Variants in ARHGAP15 observed in about 807,000 individuals in gnomAD.
ARHGAP15 encodes the protein rho GTPase-activating protein 15.
Under a neutral mutation model 63.7 loss-of-function variants are expected in ARHGAP15, and 51 were observed. That is an observed-to-expected ratio of 0.80 (90% CI 0.64 to 1.01). The LOEUF (loss-of-function observed/expected upper bound fraction) is 1.01, where lower values mean the gene tolerates loss of function less well. Among genes scored for constraint, ARHGAP15 ranks in the 50% least tolerant of loss-of-function variants. The probability of loss-of-function intolerance (pLI) is 0.00; values close to 1 mark genes in which losing one functional copy is unlikely to be tolerated. For missense variants in ARHGAP15, 560 were observed against 564.6 expected, an observed-to-expected ratio of 0.99 and a Z score of 0.08; for synonymous variants, 191 against 193.8, an observed-to-expected ratio of 0.99 and a Z score of 0.12.
intron 12 of ARHGAP15, among the ~76,000 whole-genome samples, chr2:143,672,604 G>A (rs1265008084): frequency 1.3e-5 from 2 of 152,136 alleles, no homozygotes; most frequent in African/African-American, 4.8e-5. Context: ...CTAAACTCAG[G>A]TCCACTGATA....
chr2:143,347,550 C>A (rs2105305165), intron 6 of ARHGAP15, among the ~76,000 whole-genome samples: 1 of 152,190 alleles, frequency 6.6e-6, no homozygotes, highest in East Asian at 1.9e-4. Flanking sequence ...TATCATTAGG[C>A]AAAGTGTTCA....
intron 6 of ARHGAP15, among the ~76,000 whole-genome samples, chr2:143,302,980 T>C (rs1682976705): frequency 6.6e-6 from 1 of 152,092 alleles, no homozygotes; most frequent in Non-Finnish European, 1.5e-5. Flanking sequence ...CCCTGGCTTG[T>C]CCATTTAACT....
In ARHGAP15 at chr2:143,304,299, C is replaced by T. The variant is rs866006629; in HGVS notation, c.474+53699C>T. Among the ~76,000 whole-genome samples the T allele has an allele frequency of 1.4e-4, 21 of 152,136 alleles. 1 individual carries two copies. Among genetic ancestry groups the T allele is most frequent in the Middle Eastern group, 3.4e-3 (1 of 294 alleles). Reference sequence around the variant, plus strand: ...ATAAAAAAGGATGAGTTCATGTCCTCTGTAGGGACATGGATGAAGCTGGAA... The same window carrying T: ...ATAAAAAAGGATGAGTTCATGTCCTTTGTAGGGACATGGATGAAGCTGGAA... On this transcript the variant is annotated intron_variant, in intron 6 of 13. Transcript: ENST00000295095.
chr2:143,295,850 G>T (rs1259715838), intron 6 of ARHGAP15, among the ~76,000 whole-genome samples: 1 of 151,964 alleles, frequency 6.6e-6, no homozygotes, highest in Admixed American at 6.6e-5. Flanking sequence ...AAGGAACTAC[G>T]TATGTAGGCA....
intron 3 of ARHGAP15, among the ~76,000 whole-genome samples, chr2:143,206,478 G>T (rs1427896261): frequency 2.0e-5 from 3 of 151,952 alleles, no homozygotes; most frequent in Non-Finnish European, 2.9e-5. Flanking sequence ...TAATTACGTG[G>T]ATCTCAACTT....
chr2:143,216,042 C>A (rs1692745339), intron 3 of ARHGAP15, among the ~76,000 whole-genome samples: 1 of 152,196 alleles, frequency 6.6e-6, no homozygotes, highest in African/African-American at 2.4e-5. Flanking sequence ...TCTAAGGATA[C>A]TTGGTAAAAT....
At chr2:143,514,627 A>G (rs1693726607) in intron 9 of ARHGAP15, among the ~76,000 whole-genome samples, 3 of 152,174 alleles carry the variant, frequency 2.0e-5, no homozygotes. Flanking sequence ...CTACATGACA[A>G]ACAAACATAA....
chr2:143,355,191 G>A (rs1258804563), intron 6 of ARHGAP15, among the ~76,000 whole-genome samples: 5 of 152,102 alleles, frequency 3.3e-5, no homozygotes, highest in Admixed American at 6.6e-5. Flanking sequence ...TTATATAAAA[G>A]TTTGAAATTA....
intron 1 of ARHGAP15, among the ~76,000 whole-genome samples, chr2:143,143,394 T>A (rs1273084819): frequency 2.0e-5 from 3 of 150,186 alleles, no homozygotes. Context: ...AAGAAAAGGA[T>A]TGAAAAACTC....
chr2:143,413,927 T>TTTGTG (rs752044996), intron 6 of ARHGAP15, among the ~76,000 whole-genome samples: 3 of 128,046 alleles, frequency 2.3e-5, no homozygotes, highest in Non-Finnish European at 4.8e-5. Context: ...AGGTAGGTAG[T>TTTGTG]TGTGTGTGTG....
At chr2:143,393,767 GGAAGGACATTAAGGTGTCTTT>G (rs1371792001) in intron 6 of ARHGAP15, among the ~76,000 whole-genome samples, 1 of 149,754 alleles carries the variant, frequency 6.7e-6, no homozygotes, top group Non-Finnish European at 1.5e-5. Context: ...GAAATTTGGA[GGAAGGACATTAAGGTGTCTTT>G]CACAGGACTG....
intron 13 of ARHGAP15, among the ~76,000 whole-genome samples, chr2:143,744,428 G>A (rs560806285): frequency 1.3e-5 from 2 of 152,188 alleles, no homozygotes; most frequent in South Asian, 2.1e-4. Flanking sequence ...TAATGAGTGC[G>A]AGTTTGTGTT....
intron 6 of ARHGAP15, among the ~76,000 whole-genome samples, chr2:143,404,514 G>A (rs1688119573): frequency 6.6e-6 from 1 of 151,904 alleles, no homozygotes; most frequent in Admixed American, 6.6e-5. Context: ...ATCACCTAAA[G>A]CATGGGTACT....
chr2:143,353,255 A>G (rs1257074388), intron 6 of ARHGAP15, among the ~76,000 whole-genome samples: 1 of 152,052 alleles, frequency 6.6e-6, no homozygotes, highest in Non-Finnish European at 1.5e-5. Flanking sequence ...ACACCACTTC[A>G]CTCCAGCCTG....
intron 13 of ARHGAP15, among the ~76,000 whole-genome samples, chr2:143,737,719 CTATTTATTTTATT>C (rs1050443231): frequency 2.0e-5 from 3 of 146,796 alleles, no homozygotes; most frequent in African/African-American, 5.1e-5. Flanking sequence ...CTTTTGAAAC[CTATTTATTTTATT>C]TATTTATTTA....
chr2:143,346,775 G>C (rs984853581), intron 6 of ARHGAP15, among the ~76,000 whole-genome samples: 5 of 151,890 alleles, frequency 3.3e-5, no homozygotes, highest in Non-Finnish European at 7.4e-5. Flanking sequence ...TCATTTTTTT[G>C]ATATAACCCT....
chr2:143,163,266 C>T (rs968647098), intron 2 of ARHGAP15, among the ~76,000 whole-genome samples: 1 of 151,964 alleles, frequency 6.6e-6, no homozygotes, highest in South Asian at 2.1e-4. Flanking sequence ...ACGGTAGCAT[C>T]TTTGCTTGTG....
chr2:143,747,864 C>G (rs1686228561), intron 13 of ARHGAP15, among the ~76,000 whole-genome samples: 1 of 152,142 alleles, frequency 6.6e-6, no homozygotes, highest in Admixed American at 6.5e-5. Flanking sequence ...ACATATTTCT[C>G]AGGTAGAAAA....
At chr2:143,651,613 G>A (rs1199978883) in intron 12 of ARHGAP15, among the ~76,000 whole-genome samples, 1 of 151,954 alleles carries the variant, frequency 6.6e-6, no homozygotes, top group Non-Finnish European at 1.5e-5. Context: ...TGGGTCATAT[G>A]GTAGATGTAT....
Sources: allele counts gnomAD v4.1 joint callset (sites outside exome capture counted in the v4.1 genomes callset), GRCh38; gene constraint gnomAD v4.1.1; transcripts MANE v1.5; gene names NCBI Gene and HGNC (gene_info 2026-07-23, HGNC 2026-07-21).